The following CHAF1A variants were observed in gnomAD, a reference collection of about 807,000 sequenced individuals.
CHAF1A encodes the protein CAF-1 subunit A.
Under a neutral mutation model 93.2 loss-of-function variants are expected in CHAF1A, and 5 were observed. The ratio of observed to expected loss-of-function variants is 0.05; its 90% CI spans 0.03 to 0.11. CHAF1A has a LOEUF of 0.11. Among genes scored for constraint, CHAF1A ranks in the 10% least tolerant of loss-of-function variants. CHAF1A has a pLI of 1.00. For missense variants in CHAF1A, 1,102 were observed against 1,259.9 expected, an observed-to-expected ratio of 0.87 and a Z score of 1.90; for synonymous variants, 504 against 510.3, an observed-to-expected ratio of 0.99 and a Z score of 0.17.
chr19:4,446,186 C>A (rs368753562), downstream of CHAF1A: 2 of 1,605,158 alleles, frequency 1.2e-6, no homozygotes, highest in Admixed American at 1.7e-5. Context: ...CGCTCCCGAG[C>A]GTAGAAAGTG....
At chr19:4,417,315 A>G (rs1383409179) in intron 3 of CHAF1A, among the ~76,000 whole-genome samples, 1 of 152,104 alleles carries the variant, frequency 6.6e-6, no homozygotes, top group African/African-American at 2.4e-5. Context: ...GAAATTCCTA[A>G]TATCAGCTTC....
At chr19:4,446,113 A>G, downstream of CHAF1A, 1 of 1,612,682 alleles carries the variant, frequency 6.2e-7, no homozygotes, top group Non-Finnish European at 8.5e-7. Context: ...CGAGGCCAGC[A>G]GCTCAAAAGG....
chr19:4,445,554 C>T (rs749462877), downstream of CHAF1A: 46 of 1,613,714 alleles, frequency 2.9e-5, no homozygotes, highest in Admixed American at 1.0e-4. Flanking sequence ...GAGTCCGGCT[C>T]GGCCCCCGCG....
At position 4,429,478 on chromosome 19, in the gene CHAF1A, C is replaced by T. The variant is rs144318093; in HGVS notation, c.1645C>T (p.Pro549Ser). 5.6e-5 allele frequency: 91 copies of T among 1,613,830 alleles called. No homozygotes were observed. The highest frequency in any genetic ancestry group is 7.1e-5 in the Non-Finnish European group (84 of 1,179,988). The stretch of plus-strand genomic sequence containing the variant: ...GGAGCGTGGGAAGGGCGACGGTGTT[C>T]CCGAGAGGAGGAAGTTTGGCAGGAT... ...IVERGKGDGV[P>S]ERRKFGRMKL... is the part of the protein sequence containing the mutation. Residue 549 changes from proline to serine, a missense_variant, in exon 9 of 15, where the codon CCC becomes TCC. Physicochemically the swap from Pro to Ser is moderately conservative, Grantham distance 74. Coordinates refer to ENST00000301280, the MANE Select transcript of CHAF1A (RefSeq NM_005483.3).
At chr19:4,446,207 G>A (rs368371362), downstream of CHAF1A, 1 of 1,595,774 alleles carries the variant, frequency 6.3e-7, no homozygotes, top group Non-Finnish European at 8.5e-7. Flanking sequence ...CCTGGGGAGT[G>A]GGGGAGTCAG....
chr19:4,446,398 C>T (rs373552202), downstream of CHAF1A: 277 of 1,578,388 alleles, frequency 1.8e-4, no homozygotes, highest in Non-Finnish European at 2.3e-4. Flanking sequence ...CGCTCAGCCG[C>T]TCCACCGCCT....
At chr19:4,445,338 C>T (rs370648980), downstream of CHAF1A, 17 of 1,271,946 alleles carry the variant, frequency 1.3e-5, no homozygotes, top group Non-Finnish European at 1.5e-5. Flanking sequence ...GGCTCTGCCA[C>T]GGGGCCCAAT....
intron 7 of CHAF1A, among the ~76,000 whole-genome samples, chr19:4,427,136 C>CTTTTTTTTTTTTTTTTTTTTTTTTTTTT (rs747750687): frequency 9.4e-5 from 3 of 31,948 alleles, no homozygotes; most frequent in African/African-American, 2.9e-4. Context: ...AAGACCCTGT[C>CTTTTTTTTTTTTTTTTTTTTTTTTTTTT]TTTTTTTTTT....
At chr19:4,430,748 G>A (rs2145127338) in intron 11 of CHAF1A, 107 bp downstream of exon 11, 5 of 1,202,952 alleles carry the variant, frequency 4.2e-6, no homozygotes, top group Admixed American at 1.9e-5. Context: ...CCAACCATAC[G>A]AGATTTGGAC....
chr19:4,408,150 A>T (rs1164016181), intron 2 of CHAF1A, among the ~76,000 whole-genome samples: 1 of 147,802 alleles, frequency 6.8e-6, no homozygotes, highest in Non-Finnish European at 1.5e-5. Context: ...GGGATTATAG[A>T]TGTAAGTCAG....
At chr19:4,421,579 C>G (rs539795812) in intron 4 of CHAF1A, among the ~76,000 whole-genome samples, 5 of 152,234 alleles carry the variant, frequency 3.3e-5, no homozygotes, top group Admixed American at 1.3e-4. Flanking sequence ...GTGTTCAAGA[C>G]CAGCCTGGGC....
At chr19:4,405,608 CA>C (rs35526816) in intron 1 of CHAF1A, among the ~76,000 whole-genome samples, 1,643 of 91,866 alleles carry the variant, frequency 0.018, 8 homozygotes, top group Non-Finnish European at 0.025. Context: ...ACTCTGTCTC[CA>C]AAAAAAAAAA....
chr19:4,443,857 G>A (rs1376304143), downstream of CHAF1A, among the ~76,000 whole-genome samples: 1 of 152,226 alleles, frequency 6.6e-6, no homozygotes, highest in Non-Finnish European at 1.5e-5. Context: ...GTACTGAGCA[G>A]CTCAGAGCAC....
chr19:4,446,641 A>T, downstream of CHAF1A: 1 of 1,612,576 alleles, frequency 6.2e-7, no homozygotes, highest in Non-Finnish European at 8.5e-7. Context: ...CGCAGCCAGC[A>T]GCTGTTCCTT....
chr19:4,404,225 C>T (rs370120265), intron 1 of CHAF1A, among the ~76,000 whole-genome samples: 19 of 152,274 alleles, frequency 1.2e-4, no homozygotes, highest in East Asian at 3.9e-4. Context: ...GATGTAATCG[C>T]AGAATAAAGA....
At chr19:4,445,673 G>T, downstream of CHAF1A, 2 of 1,586,988 alleles carry the variant, frequency 1.3e-6, no homozygotes, top group Non-Finnish European at 8.6e-7. Flanking sequence ...GGCCCTTGCC[G>T]CGGCAGGGAA....
chr19:4,431,982 C>T lies in CHAF1A; in HGVS notation c.1978C>T (p.Arg660Cys), dbSNP rs762706152. The T allele has an allele frequency of 3.1e-6, 5 of 1,612,398 alleles. No homozygotes were observed. Among genetic ancestry groups the T allele is most frequent in the South Asian group, 2.2e-5 (2 of 91,052 alleles). ...ECADPENHKVRQKLKAKEWDE... is the reference protein window; with the variant it reads ...ECADPENHKVCQKLKAKEWDE... ...TGCCGACCCTGAGAACCATAAGGTC[C>T]GCCAGAAACTGAAGGCCAAGGAGTG... Residue 660 changes from arginine to cysteine, a missense_variant, in exon 12 of 15, where the codon CGC becomes TGC. Around this residue, in one of 6 missense-constraint regions of CHAF1A, gnomAD observed 335 missense variants for 361.9 expected, o/e 0.93. Coordinates refer to ENST00000301280, the MANE Select transcript of CHAF1A (RefSeq NM_005483.3).
chr19:4,448,142 G>A (rs1599675740), downstream of CHAF1A: 1 of 618,808 alleles, frequency 1.6e-6, no homozygotes, highest in Non-Finnish European at 2.8e-6. Flanking sequence ...TGAGGCCCAA[G>A]GAGGCCCAGC....
chr19:4,439,813 C>T (rs1390187422), intron 13 of CHAF1A, among the ~76,000 whole-genome samples: 1 of 152,158 alleles, frequency 6.6e-6, no homozygotes, highest in Non-Finnish European at 1.5e-5. Flanking sequence ...GAGGCTGAGG[C>T]AGGAGGATCA....
Sources: gnomAD v4.1 joint callset for allele counts (sites outside exome capture counted in the v4.1 genomes callset) on GRCh38, gnomAD v4.1.1 for gene constraint, gnomAD v4.1.1 regional missense constraint, MANE v1.5 for transcripts, NCBI Gene and HGNC (gene_info 2026-07-23, HGNC 2026-07-21) for gene names.